Variants in GRID2 observed in about 807,000 individuals in gnomAD.
GRID2 encodes the protein glutamate receptor ionotropic, delta-2.
In GRID2, 33 loss-of-function variants were observed where a neutral mutation model predicts 114.8. The observed-to-expected ratio is 0.29, with a 90% confidence interval of 0.22 to 0.38. The LOEUF (loss-of-function observed/expected upper bound fraction) is 0.38, where lower values mean the gene tolerates loss of function less well. GRID2 is among the 10% of genes least tolerant of loss of function. The pLI is 1.00. For synonymous variants in GRID2, 505 were observed against 449.9 expected (o/e 1.12, Z -1.55); for missense variants, 1,184 against 1,257.7 (o/e 0.94, Z 0.89).
At chr4:92,978,874 T>G (rs955409433) in intron 2 of GRID2, among the ~76,000 whole-genome samples, 1 of 151,832 alleles carries the variant, frequency 6.6e-6, no homozygotes, top group African/African-American at 2.4e-5. Flanking sequence ...AAATAAAAAA[T>G]TAGCCAGACA....
intron 13 of GRID2, among the ~76,000 whole-genome samples, chr4:93,533,537 CT>C (rs34014956): frequency 0.21 from 18,378 of 86,622 alleles, 862 homozygotes; most frequent in African/African-American, 0.25. Context: ...CCACACCCAG[CT>C]TTTTTTTTTT....
intron 2 of GRID2, among the ~76,000 whole-genome samples, chr4:92,807,323 A>G (rs912325333): frequency 6.6e-6 from 1 of 152,030 alleles, no homozygotes; most frequent in Admixed American, 6.6e-5. Flanking sequence ...CAGAGGACTC[A>G]TAAAAAATAA....
At chr4:92,660,056 T>C (rs1448360808) in intron 2 of GRID2, among the ~76,000 whole-genome samples, 1 of 151,382 alleles carries the variant, frequency 6.6e-6, no homozygotes, top group African/African-American at 2.4e-5. Flanking sequence ...TTTCAGATGG[T>C]AGAGAATATC....
intron 13 of GRID2, among the ~76,000 whole-genome samples, chr4:93,608,296 C>CTTTTTTTTTTTTTTTTTTTTTT (rs774334616): frequency 8.5e-6 from 1 of 117,016 alleles, no homozygotes; most frequent in African/African-American, 3.4e-5. Flanking sequence ...ATTTTTTTTT[C>CTTTTTTTTTTTTTTTTTTTTTT]TTTTTTTTTT....
chr4:93,330,815 C>T (rs1215868138), intron 8 of GRID2, among the ~76,000 whole-genome samples: 1 of 152,044 alleles, frequency 6.6e-6, no homozygotes, highest in African/African-American at 2.4e-5. Flanking sequence ...TATATTTCTT[C>T]TCAAATCTTC....
chr4:92,839,250 A>C (rs1423078344), intron 2 of GRID2, among the ~76,000 whole-genome samples: 1 of 150,952 alleles, frequency 6.6e-6, no homozygotes, highest in African/African-American at 2.4e-5. Context: ...TTCTTATTTC[A>C]TACTGTGTGT....
chr4:93,034,025 G>A (rs1724685989), intron 2 of GRID2, among the ~76,000 whole-genome samples: 1 of 152,164 alleles, frequency 6.6e-6, no homozygotes, highest in South Asian at 2.1e-4. Context: ...TCTCCCTGAA[G>A]GGGGTGACTT....
intron 2 of GRID2, among the ~76,000 whole-genome samples, chr4:93,018,106 A>G (rs1358688547): frequency 6.6e-6 from 1 of 151,706 alleles, no homozygotes; most frequent in African/African-American, 2.4e-5. Flanking sequence ...AAGGAAAGAG[A>G]GATAGATATA....
intron 2 of GRID2, among the ~76,000 whole-genome samples, chr4:92,593,720 G>T (rs1728812318): frequency 6.6e-6 from 1 of 151,678 alleles, no homozygotes; most frequent in African/African-American, 2.4e-5. Context: ...TACCTATTTT[G>T]AGATTATTCT....
At chr4:93,060,910 C>G (rs886930239) in intron 2 of GRID2, among the ~76,000 whole-genome samples, 2 of 152,036 alleles carry the variant, frequency 1.3e-5, no homozygotes, top group African/African-American at 4.8e-5. Flanking sequence ...CGAGACCAGA[C>G]TGGCCAAAAT....
Position 93,769,573 on chromosome 4 carries a change from A to C in GRID2, c.2601+123A>C, listed in dbSNP as rs1247678387. 4 of 825,048 alleles carry C rather than the reference A, an allele frequency of 4.8e-6. No homozygotes were observed. The East Asian group carries it at 1.0e-4, about 21-fold the overall frequency. 51.1% of individuals were successfully genotyped at this position (825,048 alleles called of 1,614,324 possible). ...CTTGTTTTTTCGTTTCTTGAAGATT[A>C]AAAATAAAGTTGTGAAATATAAAAA... On this transcript the variant is annotated intron_variant, in intron 15 of 15. Transcript: ENST00000282020.
intron 13 of GRID2, among the ~76,000 whole-genome samples, chr4:93,587,905 T>C (rs940150614): frequency 6.6e-6 from 1 of 152,108 alleles, no homozygotes; most frequent in Non-Finnish European, 1.5e-5. Flanking sequence ...TTGCATATTA[T>C]TAAAAGCGGT....
chr4:92,547,027 T>C (rs542001698), intron 1 of GRID2, among the ~76,000 whole-genome samples: 13 of 152,302 alleles, frequency 8.5e-5, no homozygotes, highest in African/African-American at 3.1e-4. Context: ...AGAACCCAGA[T>C]CTTTTAAGTC....
At chr4:93,781,525 G>C (rs963648283) in intron 1 of GRID2, among the ~76,000 whole-genome samples, 5 of 152,008 alleles carry the variant, frequency 3.3e-5, no homozygotes, top group Non-Finnish European at 5.9e-5. Flanking sequence ...GTCAGTGGGG[G>C]GTTGGTTCCC....
intron 3 of GRID2, among the ~76,000 whole-genome samples, chr4:93,089,128 C>A (rs1730569873): frequency 6.6e-6 from 1 of 152,020 alleles, no homozygotes; most frequent in African/African-American, 2.4e-5. Context: ...AGTGGAGAAG[C>A]CCCAATTCAA....
intron 14 of GRID2, among the ~76,000 whole-genome samples, 192 bp from the exon 15 acceptor site, chr4:93,769,018 C>T (rs1578775275): frequency 6.6e-6 from 1 of 152,084 alleles, no homozygotes; most frequent in East Asian, 1.9e-4. Context: ...CAGTGTGGTG[C>T]AATGCTGTCT....
At chr4:93,018,901 A>G (rs1320814293) in intron 2 of GRID2, among the ~76,000 whole-genome samples, 1 of 152,140 alleles carries the variant, frequency 6.6e-6, no homozygotes, top group East Asian at 1.9e-4. Flanking sequence ...CTTTTACATT[A>G]AAAGTAAAAG....
At chr4:93,715,681 C>A (rs1479414293) in intron 14 of GRID2, among the ~76,000 whole-genome samples, 1 of 152,060 alleles carries the variant, frequency 6.6e-6, no homozygotes, top group South Asian at 2.1e-4. Flanking sequence ...ATATTGTATT[C>A]TTTTTGTGGC....
chr4:93,615,805 C>G (rs1741580058), intron 13 of GRID2, among the ~76,000 whole-genome samples: 1 of 151,838 alleles, frequency 6.6e-6, no homozygotes, highest in South Asian at 2.1e-4. Flanking sequence ...TTGTTACAAT[C>G]TACACATACC....
Sources: allele counts gnomAD v4.1 joint callset (sites outside exome capture counted in the v4.1 genomes callset), GRCh38; gene constraint gnomAD v4.1.1; transcripts MANE v1.5; gene names NCBI Gene and HGNC (gene_info 2026-07-23, HGNC 2026-07-21).